The following RABL6 variants were observed in gnomAD, a reference collection of about 807,000 sequenced individuals.
RABL6 encodes rab-like protein 6.
In RABL6, 28 loss-of-function variants were observed where a neutral mutation model predicts 72.9. That is an observed-to-expected ratio of 0.38 (90% CI 0.28 to 0.53). The LOEUF is 0.53. Among genes scored for constraint, RABL6 ranks in the 20% least tolerant of loss-of-function variants. The pLI, the probability that RABL6 is intolerant of heterozygous loss-of-function variation, is 0.80. For synonymous variants in RABL6, 477 were observed against 421.2 expected (o/e 1.13, Z -1.62); for missense variants, 1,029 against 1,008.4 (o/e 1.02, Z -0.28).
chr9:136,835,696 C>G, intron 7 of RABL6, 46 bp from the exon 8 acceptor site: 1 of 1,498,520 alleles, frequency 6.7e-7, no homozygotes, highest in Non-Finnish European at 9.0e-7. Context: ...GGGGCACTCG[C>G]AGCAGGAAGG....
rs765580821 is a variant in RABL6 at position 136,839,077 on chromosome 9, C to T, written c.1449C>T (p.Gly483=). The change falls in exon 11 of 15, where the codon GGC becomes GGT. Residue 483 remains glycine, a synonymous_variant. Transcript: ENST00000311502. ...CAGAAGTGGCAGCTCCCACAAAAGG[C>T]CCTGCCCCAGCTCCCCAGCAGTGCT... ...EEAEVAAPTK[G]PAPAPQQCSE... is the part of the protein sequence containing the mutation. The T allele has an allele frequency of 2.9e-5, 47 of 1,612,180 alleles. No homozygotes were observed. The highest frequency in any genetic ancestry group is 3.9e-5 in the Non-Finnish European group (46 of 1,179,796).
rs564447931 is a variant in RABL6, at chr9:136,838,071, G to A, written c.1280+56G>A. 3.9e-4 allele frequency: 605 copies of A among 1,540,634 alleles called. 1 individual carries two copies. The highest frequency in any genetic ancestry group is 1.2e-3 in the African/African-American group (86 of 72,986). ...TTGCCCCCCAGCCTCCAGGGTGCCC[G>A]AGCAGCAGGTGGGGCTGGCTTTCTA... is the stretch of plus-strand genomic sequence containing the variant. On this transcript the variant is annotated intron_variant, in intron 10 of 14. Coordinates refer to ENST00000311502, the MANE Select transcript of RABL6 (RefSeq NM_024718.5).
chr9:136,826,850 C>T lies in RABL6; in HGVS notation c.313+1024C>T, dbSNP rs2131183385. The T allele has an allele frequency of 6.6e-6, 1 of 152,460 alleles. No individual in the cohort carries two copies. The highest frequency in any genetic ancestry group is 2.4e-5 in the African/African-American group (1 of 41,558). The allele number at this position is 152,460 out of a possible 1,614,324, so 9.4% of individuals were successfully genotyped here. A position where few individuals can be genotyped will look rare whatever the true frequency, so the allele number is the denominator to read the frequency against. On this transcript the variant is annotated intron_variant, in intron 3 of 14. Transcript: ENST00000311502. This position sits in a 1 kb window ranked among gnomAD's most constrained non-coding sequence, Gnocchi z 4.9. Reference sequence around the variant, plus strand: ...CCCATCCTGGCCCCTTTCGGAGCTGCAGAGATTTCCTGTGCCTCCAGCTCT... The same window carrying T: ...CCCATCCTGGCCCCTTTCGGAGCTGTAGAGATTTCCTGTGCCTCCAGCTCT...
chr9:136,832,788 GTAC>G (rs150697247), intron 7 of RABL6: 41,066 of 329,832 alleles, frequency 0.12, 3,266 homozygotes, highest in Non-Finnish European at 0.17. Context: ...AGTCACCGAG[GTAC>G]TCGCTGTTCA....
intron 1 of RABL6, among the ~76,000 whole-genome samples, chr9:136,819,063 C>G (rs907407770): frequency 6.6e-6 from 1 of 152,112 alleles, no homozygotes; most frequent in African/African-American, 2.4e-5. Context: ...TGGCTCACGC[C>G]TGTAATCCCA....
At chr9:136,829,541 G>A (rs763449455) in intron 5 of RABL6, 57 bp downstream of exon 5, 3 of 1,453,356 alleles carry the variant, frequency 2.1e-6, no homozygotes, top group Admixed American at 3.9e-5. Context: ...TAGCCCCTTG[G>A]GCGCCCTCTT....
At chr9:136,840,281 C>A (rs749094819) in intron 14 of RABL6, 41 bp from the exon 15 acceptor site, 1 of 1,610,190 alleles carries the variant, frequency 6.2e-7, no homozygotes, top group South Asian at 1.1e-5. Flanking sequence ...AGGGCTGTGG[C>A]TTCCTGTGAC....
At chr9:136,810,526 T>C (rs151199776) in intron 1 of RABL6, among the ~76,000 whole-genome samples, 2 of 152,278 alleles carry the variant, frequency 1.3e-5, no homozygotes, top group African/African-American at 4.8e-5. Context: ...AAGTTTCTAG[T>C]ATTTCTTTTC....
Position 136,838,321 on chromosome 9 carries a change from A to G in RABL6, c.1280+306A>G, listed in dbSNP as rs148745274. 2.1e-3 allele frequency among the ~76,000 whole-genome samples: 325 copies of G among 152,248 alleles called. 1 individual carries two copies. Among genetic ancestry groups the G allele is most frequent in the East Asian group, 8.5e-3 (44 of 5,178 alleles). ...GAGAGGCCACTGCAGGTCATATGGG[A>G]GGTTCAGGCCACCAGATGTGGTCTC... On this transcript the variant is annotated intron_variant, in intron 10 of 14. Transcript: ENST00000311502.
chr9:136,823,467 C>G (rs774388602), intron 1 of RABL6, 58 bp from the exon 2 acceptor site: 145 of 1,599,756 alleles, frequency 9.1e-5, no homozygotes, highest in Non-Finnish European at 1.2e-4. Flanking sequence ...GCTCTTAAAG[C>G]TGCAGCTTGG....
chr9:136,812,892 A>G lies in RABL6; in HGVS notation c.130+4566A>G, dbSNP rs191519045. On this transcript the variant is annotated intron_variant, in intron 1 of 14. Transcript: ENST00000311502. The stretch of plus-strand genomic sequence containing the variant: ...CTTCTGCCACCACCTCATCCTCCAA[A>G]GCTTCCTCTACCTCCATCACAACCC... 7.2e-4 allele frequency: 242 copies of G among 334,760 alleles called. 4 individuals are homozygous for G. In the East Asian group the frequency reaches 0.018, roughly 25 times the overall value. 20.7% of individuals were successfully genotyped at this position (334,760 alleles called of 1,614,324 possible).
rs1377512060 is a variant in RABL6, at chr9:136,840,405, G to A, written c.2073G>A (p.Arg691=). The change falls in exon 15 of 15, where the codon CGG becomes CGA. Residue 691 remains arginine (R), a synonymous_variant. Transcript: ENST00000311502. ...AGGGCAAGGAGGAGCGGCGACGGCGGCAGCAGCGGCCCCCGCGCAGCAGGG... is the reference window on the plus strand; with the variant it reads ...AGGGCAAGGAGGAGCGGCGACGGCGACAGCAGCGGCCCCCGCGCAGCAGGG... The part of the protein sequence containing the change: ...KEEGKEERRR[R]QQRPPRSRER... The A allele has an allele frequency of 6.4e-7, 1 of 1,550,768 alleles. No homozygotes were observed. Among genetic ancestry groups the A allele is most frequent in the Non-Finnish European group, 8.7e-7 (1 of 1,147,230 alleles).
intron 5 of RABL6, among the ~76,000 whole-genome samples, chr9:136,829,880 G>A (rs1027736154): frequency 6.6e-6 from 1 of 152,238 alleles, no homozygotes; most frequent in African/African-American, 2.4e-5. Flanking sequence ...GCAAGAAGAT[G>A]ACAGCGAAAT....
Position 136,839,005 on chromosome 9 carries a change from A to G in RABL6, c.1377A>G (p.Ala459=), listed in dbSNP as rs1222840998. 3 of 1,612,262 alleles carry G rather than the reference A, an allele frequency of 1.9e-6. No homozygotes were observed. Among genetic ancestry groups the G allele is most frequent in the South Asian group, 2.2e-5 (2 of 91,028 alleles). ...CACGTGGGAGTCCCCCGCTGCCTGC[A>G]GGCCCCGTCCCCAGTCAAGACATCA... ...DQPRGSPPLP[A]GPVPSQDITL... The change falls in exon 11 of 15, where the codon GCA becomes GCG. Residue 459 remains alanine (A), a synonymous_variant. Coordinates refer to ENST00000311502, the MANE Select transcript of RABL6 (RefSeq NM_024718.5).
chr9:136,831,597 C>T, intron 5 of RABL6, 124 bp from the exon 6 acceptor site: 1 of 1,391,924 alleles, frequency 7.2e-7, no homozygotes, highest in Non-Finnish European at 9.9e-7. Context: ...CATGCTTCTG[C>T]TGGGTTGGAT....
chr9:136,812,892 A>C, intron 1 of RABL6: 1 of 334,760 alleles, frequency 3.0e-6, no homozygotes. Flanking sequence ...CATCCTCCAA[A>C]GCTTCCTCTA....
rs1044084114 is a variant in RABL6 at position 136,837,522 on chromosome 9, C to T, written c.986C>T (p.Pro329Leu). The T allele has an allele frequency of 1.9e-6, 3 of 1,544,468 alleles. No individual in the cohort carries two copies. The South Asian group carries it at 3.6e-5, about 18-fold the overall frequency. The change falls in exon 9 of 15, where the codon CCA becomes CTA. Residue 329 changes from proline to leucine, a missense_variant. By Grantham distance (98) the Pro-to-Leu change is moderately conservative (BLOSUM62 -3). Around this residue, in one of 2 missense-constraint regions of RABL6, gnomAD observed 434 missense variants for 536.1 expected, o/e 0.81. Coordinates refer to ENST00000311502, the MANE Select transcript of RABL6 (RefSeq NM_024718.5). ...PAPQLPLNAA[P>L]PSSVPPVPPS... ...CCACAGCTGCCCCTCAATGCCGCCC[C>T]ACCATCCTCTGTGCCCCCTGTACCA...
chr9:136,825,868 T>G (rs777772993), intron 3 of RABL6, 42 bp downstream of exon 3: 3 of 1,583,550 alleles, frequency 1.9e-6, no homozygotes, highest in Non-Finnish European at 2.6e-6. Flanking sequence ...TCTGGGACTG[T>G]GTGCTCTGCG....
chr9:136,810,663 T>G (rs762420521), intron 1 of RABL6, among the ~76,000 whole-genome samples: 2 of 152,136 alleles, frequency 1.3e-5, no homozygotes, highest in Non-Finnish European at 2.9e-5. Flanking sequence ...TGCTTCAGCC[T>G]CCCGAGTAGC....
Sources: allele counts gnomAD v4.1 joint callset (sites outside exome capture counted in the v4.1 genomes callset), GRCh38; gene constraint gnomAD v4.1.1; regional missense constraint gnomAD v4.1.1; non-coding constraint Gnocchi (gnomAD v3.1); transcripts MANE v1.5; gene names NCBI Gene and HGNC (gene_info 2026-07-23, HGNC 2026-07-21).